The following CFAP47 variants were observed in gnomAD, a reference collection of about 807,000 sequenced individuals.
CFAP47 encodes cilia- and flagella-associated protein 47.
Under a neutral mutation model 148.1 loss-of-function variants are expected in CFAP47, and 29 were observed. That is an observed-to-expected ratio of 0.20 (90% confidence interval 0.15 to 0.27). The LOEUF (loss-of-function observed/expected upper bound fraction) is 0.27, where lower values mean the gene tolerates loss of function less well. CFAP47 is among the 10% of genes least tolerant of loss of function. The pLI is 1.00. For synonymous variants in CFAP47, 664 were observed against 577.3 expected, an observed-to-expected ratio of 1.15 and a Z score of -2.15; for missense variants, 1,872 against 1,697.5, an observed-to-expected ratio of 1.10 and a Z score of -1.81.
chrX:35,997,160 G>A (rs1936857199), intron 18 of CFAP47, among the ~76,000 whole-genome samples, 152 bp from the exon 19 acceptor site: 2 of 111,397 alleles, frequency 1.8e-5, no homozygotes, highest in African/African-American at 6.5e-5. Flanking sequence ...AACAAGAAAT[G>A]TGATGACAAT....
chrX:35,924,456 TATAG>T lies in CFAP47; in HGVS notation c.250-1560_250-1557del, dbSNP rs1301802498. Among the ~76,000 whole-genome samples the T allele has an allele frequency of 6.6e-5, 7 of 106,778 alleles. 1 individual carries two copies. The highest frequency in any genetic ancestry group is 2.4e-4 in the African/African-American group (7 of 29,197). The allele number at this position is 106,778 out of a possible 115,157, so 92.7% of individuals were successfully genotyped here. ...GTATATATGTACACCTATATGTGTATATAGGTGCACCTATATGTGTATATATGTG... is the reference window on the plus strand; with the variant it reads ...GTATATATGTACACCTATATGTGTATGTGCACCTATATGTGTATATATGTG... On this transcript the variant is annotated intron_variant, in intron 1 of 63. Transcript: ENST00000378653.
chrX:35,934,376 C>T (rs1424643870), intron 2 of CFAP47, among the ~76,000 whole-genome samples: 1 of 111,030 alleles, frequency 9.0e-6, no homozygotes, highest in Non-Finnish European at 1.9e-5. Context: ...AAGCTTACTA[C>T]TGATGTTCTC....
chrX:36,349,027 C>T (rs1036375756), intron 58 of CFAP47, among the ~76,000 whole-genome samples: 5 of 111,237 alleles, frequency 4.5e-5, no homozygotes, highest in Non-Finnish European at 9.4e-5. Context: ...AGATTGGCTA[C>T]ATAAATTGTA....
intron 2 of CFAP47, among the ~76,000 whole-genome samples, chrX:35,933,224 A>G (rs760021727): frequency 1.9e-5 from 2 of 106,855 alleles, no homozygotes; most frequent in East Asian, 3.0e-4. Flanking sequence ...CCCACCCCCA[A>G]TTACCCTTCC....
intron 61 of CFAP47, among the ~76,000 whole-genome samples, chrX:36,365,074 C>T (rs184805126): frequency 9.3e-6 from 1 of 107,324 alleles, no homozygotes; most frequent in East Asian, 2.9e-4. Flanking sequence ...TGGAAATCTT[C>T]TTGTAAGATG....
At chrX:36,360,739 G>A (rs1360036761) in intron 60 of CFAP47, among the ~76,000 whole-genome samples, 1 of 111,418 alleles carries the variant, frequency 9.0e-6, no homozygotes, top group Non-Finnish European at 1.9e-5. Flanking sequence ...ATGTGCAGGG[G>A]ACAAAAAACT....
intron 21 of CFAP47, among the ~76,000 whole-genome samples, chrX:36,004,208 C>T (rs1159591308): frequency 9.1e-6 from 1 of 109,671 alleles, no homozygotes; most frequent in African/African-American, 3.3e-5. Flanking sequence ...AATTCCTGAC[C>T]TCAGGTAATC....
chrX:36,315,454 A>G (rs1237638966), intron 56 of CFAP47, among the ~76,000 whole-genome samples: 1 of 112,589 alleles, frequency 8.9e-6, no homozygotes, highest in Admixed American at 9.4e-5. Context: ...CAGTTAGGGC[A>G]TATGGTGCCC....
intron 62 of CFAP47, among the ~76,000 whole-genome samples, chrX:36,371,630 GTATATA>G (rs1941939635): frequency 1.1e-5 from 1 of 87,658 alleles, no homozygotes; most frequent in African/African-American, 4.1e-5. Context: ...TAATATATGT[GTATATA>G]CACACATATG....
chrX:35,962,042 T>C (rs988189072), intron 8 of CFAP47, among the ~76,000 whole-genome samples: 2 of 111,837 alleles, frequency 1.8e-5, no homozygotes, highest in Non-Finnish European at 3.8e-5. Context: ...CCCAAAATAA[T>C]GTTGAATTCC....
At chrX:35,966,882 C>T (rs992570518) in intron 9 of CFAP47, 128 bp downstream of exon 9, 10 of 377,619 alleles carry the variant, frequency 2.6e-5, no homozygotes, top group South Asian at 1.1e-4. Context: ...CATTTCCCAA[C>T]GACCGAGCTG....
intron 1 of CFAP47, among the ~76,000 whole-genome samples, chrX:35,924,215 G>A (rs111162551): frequency 0.09 from 7,897 of 88,179 alleles, 1,455 homozygotes; most frequent in African/African-American, 0.32. Flanking sequence ...ATGTATGTGT[G>A]CATGTATGTG....
At chrX:35,948,038 GGAA>G (rs1214687523) in intron 3 of CFAP47, among the ~76,000 whole-genome samples, 2 of 111,597 alleles carry the variant, frequency 1.8e-5, no homozygotes, top group African/African-American at 3.3e-5. Context: ...GAGCTACGTT[GGAA>G]GAAGAAGAAT....
intron 49 of CFAP47, among the ~76,000 whole-genome samples, chrX:36,259,928 A>G (rs904786183): frequency 6.3e-5 from 7 of 110,936 alleles, no homozygotes; most frequent in African/African-American, 9.9e-5. Context: ...TGTCTATTCA[A>G]TCTTTAGCTC....
chrX:36,315,640 C>T (rs1187151037), intron 56 of CFAP47, among the ~76,000 whole-genome samples: 1 of 112,031 alleles, frequency 8.9e-6, no homozygotes, highest in Non-Finnish European at 1.9e-5. Context: ...ACCTGTAACT[C>T]TTGGATATTT....
intron 51 of CFAP47, among the ~76,000 whole-genome samples, chrX:36,291,436 A>G (rs1941191333): frequency 1.8e-5 from 2 of 111,234 alleles, no homozygotes; most frequent in South Asian, 7.6e-4. Context: ...ATTAGTTGAA[A>G]TCAACATCAC....
intron 33 of CFAP47, among the ~76,000 whole-genome samples, chrX:36,111,244 T>C (rs1394509280): frequency 1.8e-5 from 2 of 111,622 alleles, no homozygotes; most frequent in Non-Finnish European, 3.8e-5. Context: ...GGGTTTAATA[T>C]AGAGAGCTCT....
At chrX:36,244,587 G>C (rs1940591894) in intron 48 of CFAP47, among the ~76,000 whole-genome samples, 1 of 111,657 alleles carries the variant, frequency 9.0e-6, no homozygotes, top group Non-Finnish European at 1.9e-5. Context: ...AAGATCCTCA[G>C]AGACTATTAT....
rs929318327 is a variant in CFAP47, at chrX:36,370,654, C to A, written c.9185+3527C>A. On this transcript the variant is annotated intron_variant, in intron 62 of 63. Transcript: ENST00000378653. ...TGAATATTTCTAGCTTATTTACCAG[C>A]CCTTGGGAGGCTACACCTAGGAAGG... is the stretch of plus-strand genomic sequence containing the variant. Among the ~76,000 whole-genome samples, 3 of 110,120 alleles carry A rather than the reference C, an allele frequency of 2.7e-5. No individual in the cohort carries two copies. The Admixed American group carries it at 2.9e-4, about 11-fold the overall frequency.
Sources: allele counts gnomAD v4.1 joint callset (sites outside exome capture counted in the v4.1 genomes callset), GRCh38; gene constraint gnomAD v4.1.1; transcripts MANE v1.5; gene names NCBI Gene and HGNC (gene_info 2026-07-23, HGNC 2026-07-21).